The following CSMD2 variants were observed in gnomAD, a reference collection of about 807,000 sequenced individuals.
The protein encoded by CSMD2 is CUB and Sushi multiple domains 2.
Under a neutral mutation model 398.5 loss-of-function variants are expected in CSMD2, and 130 were observed. The observed-to-expected ratio is 0.33, with a 90% CI of 0.28 to 0.38. The LOEUF is 0.38. CSMD2 is among the 10% of genes least tolerant of loss of function. The pLI, the probability that CSMD2 is intolerant of heterozygous loss-of-function variation, is 1.00. For missense variants in CSMD2, 3,829 were observed against 4,764.9 expected (o/e 0.80, Z 5.78); for synonymous variants, 1,828 against 1,908.5 (o/e 0.96, Z 1.10).
chr1:34,131,347 A>G (rs1036717868), intron 1 of CSMD2, among the ~76,000 whole-genome samples: 6 of 151,610 alleles, frequency 4.0e-5, no homozygotes, highest in Admixed American at 2.6e-4. Context: ...GGTGCAGGAG[A>G]GGGGGGGGTC....
At chr1:33,569,830 C>G (rs1326434465) in intron 51 of CSMD2, among the ~76,000 whole-genome samples, 1 of 152,198 alleles carries the variant, frequency 6.6e-6, no homozygotes, top group Non-Finnish European at 1.5e-5. Context: ...TTTAATCCTC[C>G]TCAGGTGGCT....
At chr1:34,146,023 C>T (rs181044295) in intron 1 of CSMD2, among the ~76,000 whole-genome samples, 3 of 152,290 alleles carry the variant, frequency 2.0e-5, no homozygotes, top group East Asian at 1.9e-4. Flanking sequence ...CAGGCCAAGC[C>T]ATGTTCTTCA....
chr1:33,747,849 C>T (rs1465645681), intron 13 of CSMD2, among the ~76,000 whole-genome samples: 4 of 152,164 alleles, frequency 2.6e-5, no homozygotes, highest in Non-Finnish European at 4.4e-5. Context: ...CTCAGGGCAT[C>T]ACCGATTTTA....
At chr1:33,609,670 A>T (rs2148831575) in intron 41 of CSMD2, among the ~76,000 whole-genome samples, 1 of 152,306 alleles carries the variant, frequency 6.6e-6, no homozygotes, top group East Asian at 1.9e-4. Context: ...TGTAATTAAA[A>T]ATTAACTTTA....
chr1:33,674,715 A>G (rs1344201605), intron 25 of CSMD2, among the ~76,000 whole-genome samples: 1 of 152,106 alleles, frequency 6.6e-6, no homozygotes, highest in Non-Finnish European at 1.5e-5. Context: ...GAAGTAAAGA[A>G]CTCCTCAGCA....
At position 33,976,430 on chromosome 1, in the gene CSMD2, G is replaced by A. The variant is rs1231151152; in HGVS notation, c.518-40476C>T. On this transcript the variant is annotated intron_variant, in intron 3 of 70. Coordinates refer to ENST00000373381, the MANE Select transcript of CSMD2 (RefSeq NM_001281956.2). ...ATCTGGCCTCTGGCTTCATTTCTCC[G>A]CTGGCTCCAACCCACCATTGCAGCA... Among the ~76,000 whole-genome samples the A allele has an allele frequency of 3.9e-5, 6 of 152,246 alleles. No homozygotes were observed. The East Asian group carries it at 5.8e-4, about 15-fold the overall frequency.
At position 34,164,874 on chromosome 1, in the gene CSMD2, G is replaced by A. The variant is rs1641731436; in HGVS notation, c.187+37C>T. ...TGGGCTCGGGGCTCGGGTGGGGCGC[G>A]CGGCGGCCGCTGGCTCCTCGGCGCG... On this transcript the variant is annotated intron_variant, in intron 1 of 70. Transcript: ENST00000373381. This position sits in a 1 kb window ranked among gnomAD's most constrained non-coding sequence, Gnocchi z 6.2. 8.2e-7 allele frequency: 1 copy of A among 1,216,696 alleles called. No homozygotes were observed. Among genetic ancestry groups the A allele is most frequent in the Non-Finnish European group, 1.0e-6 (1 of 978,220 alleles). The allele number at this position is 1,216,696 out of a possible 1,614,324, so 75.4% of individuals were successfully genotyped here.
intron 44 of CSMD2, among the ~76,000 whole-genome samples, chr1:33,590,981 CTTT>C (rs11374822): frequency 6.4e-4 from 43 of 67,168 alleles, no homozygotes; most frequent in African/African-American, 9.5e-4. Context: ...TTTTATTTAT[CTTT>C]TTTTTTTTTT....
At chr1:33,940,195 G>T (rs183308901) in intron 3 of CSMD2, among the ~76,000 whole-genome samples, 1 of 151,990 alleles carries the variant, frequency 6.6e-6, no homozygotes, top group South Asian at 2.1e-4. Flanking sequence ...GTCTTCACAC[G>T]GTGTTCTCTT....
intron 49 of CSMD2, among the ~76,000 whole-genome samples, 158 bp from the exon 50 acceptor site, chr1:33,572,849 G>C (rs1371027722): frequency 7.1e-6 from 1 of 140,322 alleles, no homozygotes; most frequent in African/African-American, 2.7e-5. Context: ...ATCATCAGCA[G>C]AAGAGTTTTT....
At chr1:34,078,009 T>C (rs950554439) in intron 2 of CSMD2, among the ~76,000 whole-genome samples, 44 of 152,190 alleles carry the variant, frequency 2.9e-4, no homozygotes, top group African/African-American at 1.0e-3. Flanking sequence ...TTTTTTATTT[T>C]TATTTTTCAG....
intron 3 of CSMD2, among the ~76,000 whole-genome samples, chr1:33,970,481 T>C (rs1305786549): frequency 6.6e-6 from 1 of 152,190 alleles, no homozygotes; most frequent in Non-Finnish European, 1.5e-5. Flanking sequence ...CACCCAAGCC[T>C]GAGCTCAGGC....
In CSMD2 at chr1:33,979,301, T is replaced by C. The variant is rs567044837; in HGVS notation, c.518-43347A>G. ...CTGAAGCAGGGTGGAGTAGGGGTGG[T>C]TGTCAGTGCAGAGAGCCAGACAAGC... On this transcript the variant is annotated intron_variant, in intron 3 of 70. Transcript: ENST00000373381. Among the ~76,000 whole-genome samples the C allele has an allele frequency of 5.7e-4, 87 of 152,158 alleles. 1 individual carries two copies. Among genetic ancestry groups the C allele is most frequent in the Admixed American group, 2.0e-3 (30 of 15,278 alleles).
Position 33,698,854 on chromosome 1 carries a change from G to A in CSMD2, c.3824C>T (p.Ser1275Phe), listed in dbSNP as rs369205818. The A allele has an allele frequency of 9.9e-6, 16 of 1,614,236 alleles. No individual in the cohort carries two copies. In the South Asian group the frequency reaches 1.5e-4, roughly 16 times the overall value. The change falls in exon 24 of 71, where the codon TCC (serine) becomes TTC (phenylalanine). Residue 1275 changes from serine to phenylalanine, a missense_variant. By Grantham distance (155) the Ser-to-Phe change is radical (BLOSUM62 -2). This residue lies in a region of CSMD2 where 2,001 missense variants were observed against 2,567.1 expected (regional missense o/e 0.78). Transcript: ENST00000373381. ...GCTGTATCCAGGGTCACAGCTGAAG[G>A]ACACGGAGCTCCCTGCAAAATGACC... ...DEGHFAGSSV[S>F]FSCDPGYSLR...
intron 25 of CSMD2, among the ~76,000 whole-genome samples, chr1:33,680,446 G>A (rs772984379): frequency 3.3e-5 from 5 of 151,980 alleles, no homozygotes; most frequent in African/African-American, 1.2e-4. Context: ...CCTGTGCACC[G>A]TCGTCTTGGG....
At chr1:34,136,350 T>C (rs1422578383) in intron 1 of CSMD2, among the ~76,000 whole-genome samples, 2 of 152,252 alleles carry the variant, frequency 1.3e-5, no homozygotes, top group Non-Finnish European at 2.9e-5. Flanking sequence ...ATGTTAGCCA[T>C]TGAGTTTCTT....
chr1:33,586,478 A>C, intron 46 of CSMD2, 26 bp downstream of exon 46: 1 of 1,485,150 alleles, frequency 6.7e-7, no homozygotes, highest in Non-Finnish European at 9.4e-7. Context: ...TCTAGGCCCC[A>C]TACAGATGCG....
At chr1:33,600,724 T>C in intron 44 of CSMD2, 141 bp downstream of exon 44, 1 of 790,558 alleles carries the variant, frequency 1.3e-6, no homozygotes, top group South Asian at 1.8e-5. Flanking sequence ...TTAATTCTCA[T>C]AACTCTGAAG....
chr1:34,093,382 C>G (rs1658883497), intron 1 of CSMD2, among the ~76,000 whole-genome samples: 1 of 152,234 alleles, frequency 6.6e-6, no homozygotes, highest in African/African-American at 2.4e-5. Context: ...CAGCTCCTCA[C>G]CAGCAACGGA....
Sources: gnomAD v4.1 joint callset for allele counts (sites outside exome capture counted in the v4.1 genomes callset) on GRCh38, gnomAD v4.1.1 for gene constraint, gnomAD v4.1.1 regional missense constraint, Gnocchi (gnomAD v3.1) non-coding constraint, MANE v1.5 for transcripts, NCBI Gene and HGNC (gene_info 2026-07-23, HGNC 2026-07-21) for gene names.